GABRB1: variants seen among roughly 807,000 people sequenced by gnomAD.
GABRB1 encodes gamma-aminobutyric acid type A receptor subunit beta1.
A neutral mutation model predicts 51.6 loss-of-function variants in GABRB1; 17 were observed. That is an observed-to-expected ratio of 0.33 (90% CI 0.23 to 0.49). GABRB1 has a LOEUF of 0.49. GABRB1 is among the 20% of genes least tolerant of loss of function. The pLI, the probability that GABRB1 is intolerant of heterozygous loss-of-function variation, is 0.99. For missense variants in GABRB1, 410 were observed against 600.6 expected (o/e 0.68, Z 3.32); for synonymous variants, 247 against 218.9 (o/e 1.13, Z -1.14).
chr4:47,153,367 T>A (rs371985280), intron 3 of GABRB1, among the ~76,000 whole-genome samples: 4 of 152,058 alleles, frequency 2.6e-5, no homozygotes, highest in Non-Finnish European at 5.9e-5. Flanking sequence ...CAAAAACTAT[T>A]TGAGCTTCTG....
chr4:47,089,803 C>G (rs1278369408), intron 3 of GABRB1, among the ~76,000 whole-genome samples: 1 of 151,828 alleles, frequency 6.6e-6, no homozygotes, highest in African/African-American at 2.4e-5. Context: ...GGGAGGATAA[C>G]AGGACTTATA....
At chr4:47,188,703 C>A (rs1239128619) in intron 4 of GABRB1, among the ~76,000 whole-genome samples, 1 of 151,926 alleles carries the variant, frequency 6.6e-6, no homozygotes. Context: ...ATTATGGAAT[C>A]AAGATTGACT....
intron 7 of GABRB1, among the ~76,000 whole-genome samples, chr4:47,406,276 G>A (rs978983674): frequency 6.6e-6 from 1 of 152,126 alleles, no homozygotes; most frequent in African/African-American, 2.4e-5. Context: ...GCTGCTATAG[G>A]GATTAGTATC....
intron 3 of GABRB1, among the ~76,000 whole-genome samples, chr4:47,123,166 T>C (rs1171153826): frequency 6.6e-6 from 1 of 151,226 alleles, no homozygotes; most frequent in African/African-American, 2.4e-5. Flanking sequence ...TTTTTCACTC[T>C]TTTAAATACA....
At chr4:47,179,934 T>C (rs887447806) in intron 4 of GABRB1, among the ~76,000 whole-genome samples, 2 of 152,082 alleles carry the variant, frequency 1.3e-5, no homozygotes, top group African/African-American at 4.8e-5. Flanking sequence ...AACTTTAATA[T>C]TCATCCATTA....
intron 4 of GABRB1, among the ~76,000 whole-genome samples, chr4:47,313,030 A>G (rs1392385731): frequency 2.6e-5 from 4 of 152,172 alleles, no homozygotes; most frequent in African/African-American, 9.6e-5. Flanking sequence ...TTAATAAATG[A>G]ATACTACAGT....
chr4:47,404,781 C>T (rs1384405842), intron 7 of GABRB1, among the ~76,000 whole-genome samples: 1 of 152,112 alleles, frequency 6.6e-6, no homozygotes, highest in African/African-American at 2.4e-5. Context: ...ATTACTTGAA[C>T]ATGAGTATTG....
chr4:47,268,612 A>G (rs1560306611), intron 4 of GABRB1, among the ~76,000 whole-genome samples: 2 of 152,188 alleles, frequency 1.3e-5, no homozygotes, highest in Admixed American at 1.3e-4. Context: ...TCATTAATGC[A>G]TCCATTCATT....
chr4:47,404,990 AT>A (rs2110053345), intron 7 of GABRB1, among the ~76,000 whole-genome samples: 2 of 152,354 alleles, frequency 1.3e-5, no homozygotes, highest in South Asian at 4.1e-4. Context: ...AACTTGAGAT[AT>A]TTTAAAACAT....
At chr4:47,381,542 C>T (rs921862552) in intron 5 of GABRB1, among the ~76,000 whole-genome samples, 1 of 152,188 alleles carries the variant, frequency 6.6e-6, no homozygotes, top group African/African-American at 2.4e-5. Flanking sequence ...TTATCTCTTA[C>T]ACTCCACAGG....
intron 3 of GABRB1, among the ~76,000 whole-genome samples, chr4:47,039,359 CAA>C (rs10603411): frequency 0.092 from 6,051 of 65,524 alleles, 315 homozygotes; most frequent in Admixed American, 0.26. Flanking sequence ...AAAGAAAATA[CAA>C]AAAAAAAAAA....
At chr4:47,176,428 G>C (rs548917079) in intron 4 of GABRB1, among the ~76,000 whole-genome samples, 1 of 152,150 alleles carries the variant, frequency 6.6e-6, no homozygotes, top group South Asian at 2.1e-4. Flanking sequence ...ATGTTTATAA[G>C]GTTTTTGACC....
chr4:47,265,651 G>A (rs1722617382), intron 4 of GABRB1, among the ~76,000 whole-genome samples: 1 of 152,036 alleles, frequency 6.6e-6, no homozygotes, highest in African/African-American at 2.4e-5. Flanking sequence ...GTGTAAGATG[G>A]TATCTCATTG....
chr4:47,000,896 A>G (rs939025908), intron 1 of GABRB1, among the ~76,000 whole-genome samples: 5 of 152,214 alleles, frequency 3.3e-5, no homozygotes, highest in African/African-American at 7.2e-5. Context: ...AGCAGGTAAC[A>G]GGGTCAAACC....
At chr4:47,014,957 A>G (rs1724701747) in intron 1 of GABRB1, among the ~76,000 whole-genome samples, 1 of 152,154 alleles carries the variant, frequency 6.6e-6, no homozygotes. Context: ...TGCAGACTGG[A>G]GTGCAATGGC....
intron 3 of GABRB1, among the ~76,000 whole-genome samples, chr4:47,117,060 A>G (rs1715525894): frequency 2.6e-5 from 4 of 152,144 alleles, no homozygotes; most frequent in Non-Finnish European, 5.9e-5. Flanking sequence ...GAAGATTACA[A>G]TTAGGTATGA....
At chr4:47,139,312 A>T (rs1361196150) in intron 3 of GABRB1, among the ~76,000 whole-genome samples, 1 of 152,046 alleles carries the variant, frequency 6.6e-6, no homozygotes, top group Non-Finnish European at 1.5e-5. Context: ...CCTCCAGACA[A>T]CAGTTTGAAT....
At chr4:47,147,627 G>A (rs932995922) in intron 3 of GABRB1, among the ~76,000 whole-genome samples, 13 of 152,170 alleles carry the variant, frequency 8.5e-5, no homozygotes, top group African/African-American at 2.6e-4. Flanking sequence ...GGAGCACGTC[G>A]GAAGGGCCAA....
At chr4:47,025,485 T>C (rs995171489) in intron 1 of GABRB1, among the ~76,000 whole-genome samples, 1 of 151,968 alleles carries the variant, frequency 6.6e-6, no homozygotes, top group African/African-American at 2.4e-5. Flanking sequence ...AGGGAGAGGA[T>C]AGTTTTATAA....
Sources: allele counts gnomAD v4.1 joint callset (sites outside exome capture counted in the v4.1 genomes callset), GRCh38; gene constraint gnomAD v4.1.1; transcripts MANE v1.5; gene names NCBI Gene and HGNC (gene_info 2026-07-23, HGNC 2026-07-21).